Variants in MBOAT4 observed in about 807,000 individuals in gnomAD.
MBOAT4 encodes the protein membrane-bound ghrelin O-acyltransferase MBOAT4.
In MBOAT4, 11 loss-of-function variants were observed where a neutral mutation model predicts 13.2. The observed-to-expected ratio is 0.84, with a 90% CI of 0.53 to 1.38. MBOAT4 has a LOEUF of 1.38. Ranked by LOEUF, MBOAT4 falls within the 40% of genes most tolerant of loss-of-function variation. MBOAT4 has a pLI of 0.00. For synonymous variants in MBOAT4, 202 were observed against 210.3 expected (o/e 0.96, Z 0.34); for missense variants, 481 against 527.2 (o/e 0.91, Z 0.86).
intron 2 of MBOAT4, among the ~76,000 whole-genome samples, chr8:30,136,396 C>A (rs1038328881): frequency 6.6e-6 from 1 of 152,178 alleles, no homozygotes; most frequent in Non-Finnish European, 1.5e-5. Flanking sequence ...AGAACCCAGC[C>A]CTGCTGACGT....
chr8:30,132,400 T>C lies in MBOAT4; in HGVS notation c.851A>G (p.Tyr284Cys), dbSNP rs1160613128. ...ELGQSPGEEGYVPDADIWTLE... is the reference protein window; with the variant it reads ...ELGQSPGEEGCVPDADIWTLE... ...GGTCCAGATGTCTGCATCGGGGACA[T>C]ATCCCTCCTCTCCAGGGCTCTGACC... The change falls in exon 3 of 3, where the codon TAT (tyrosine) becomes TGT (cysteine). Residue 284 changes from tyrosine (Y) to cysteine (C), a missense_variant. Transcript: ENST00000320542. 2 of 1,551,750 alleles carry C rather than the reference T, an allele frequency of 1.3e-6. No homozygotes were observed. Among genetic ancestry groups the C allele is most frequent in the Admixed American group, 2.0e-5 (1 of 51,006 alleles).
At chr8:30,143,212 G>C (rs1390406480) in intron 1 of MBOAT4, among the ~76,000 whole-genome samples, 1 of 152,070 alleles carries the variant, frequency 6.6e-6, no homozygotes, top group African/African-American at 2.4e-5. Flanking sequence ...GCTGGGCATG[G>C]TGGTGTGCAC....
rs1163516123 is a variant in MBOAT4 at position 30,132,073 on chromosome 8, A to G, written c.1178T>C (p.Ile393Thr). The change falls in exon 3 of 3, where the codon ATC (isoleucine) becomes ACC (threonine). Residue 393 changes from isoleucine to threonine, a missense_variant. Physicochemically the swap from Ile to Thr is moderately conservative, Grantham distance 89. Coordinates refer to ENST00000320542, the MANE Select transcript of MBOAT4 (RefSeq NM_001100916.2). Reference protein sequence around the residue: ...WAHTQLIIAYIMLAVEVRSLS... With the variant: ...WAHTQLIIAYTMLAVEVRSLS... ...ACTCCTGACCTCCACAGCCAGCATGATGTAGGCAATGATCAACTGGGTGTG... is the reference window on the plus strand; with the variant it reads ...ACTCCTGACCTCCACAGCCAGCATGGTGTAGGCAATGATCAACTGGGTGTG... The G allele has an allele frequency of 3.9e-6, 6 of 1,551,794 alleles. No individual in the cohort carries two copies. The highest frequency in any genetic ancestry group is 2.6e-6 in the Non-Finnish European group (3 of 1,147,010).
chr8:30,132,455 G>A lies in MBOAT4; in HGVS notation c.796C>T (p.Leu266Phe). 6.4e-7 allele frequency: 1 copy of A among 1,551,758 alleles called. No homozygotes were observed. Among genetic ancestry groups the A allele is most frequent in the South Asian group, 1.2e-5 (1 of 84,066 alleles). Reference protein sequence around the residue: ...YSHWILDDSLLHAAGFGPELG... With the variant: ...YSHWILDDSLFHAAGFGPELG... ...TCAGGCCCAAAGCCCGCTGCGTGGA[G>A]GAGGGAGTCGTCCAGGATCCAGTGG... Residue 266 changes from leucine (L) to phenylalanine (F), a missense_variant, in exon 3 of 3, where the codon CTC becomes TTC. Leu to Phe is a conservative substitution (Grantham distance 22). Coordinates refer to ENST00000320542, the MANE Select transcript of MBOAT4 (RefSeq NM_001100916.2).
intron 2 of MBOAT4, among the ~76,000 whole-genome samples, chr8:30,133,745 C>T (rs1457639663): frequency 7.0e-6 from 1 of 142,874 alleles, no homozygotes; most frequent in Admixed American, 7.3e-5. Flanking sequence ...GCTATGATTG[C>T]ACCACTGCAC....
At position 30,144,608 on chromosome 8, in the gene MBOAT4, C is replaced by T. The variant is rs150844904; in HGVS notation, c.-7G>A. On this transcript the variant is annotated 5_prime_UTR_variant, in exon 1 of 3. Transcript: ENST00000320542. ...ACAGCCAAAGCCACTCCATTAGGAA[C>T]CAGAACAAAAGAGCCTGTCTTTTCC... The T allele has an allele frequency of 7.8e-6, 12 of 1,533,022 alleles. No individual in the cohort carries two copies. In the Admixed American group the frequency reaches 1.8e-4, roughly 23 times the overall value. The allele number at this position is 1,533,022 out of a possible 1,614,324, so 95.0% of individuals were successfully genotyped here.
chr8:30,134,615 G>T (rs901660044), intron 2 of MBOAT4, among the ~76,000 whole-genome samples: 1 of 146,268 alleles, frequency 6.8e-6, no homozygotes, highest in African/African-American at 2.5e-5. Context: ...GATCTCAGCC[G>T]CCCACTGCAA....
At chr8:30,141,370 C>T (rs769426186) in intron 1 of MBOAT4, among the ~76,000 whole-genome samples, 25 of 152,152 alleles carry the variant, frequency 1.6e-4, no homozygotes, top group Admixed American at 1.2e-3. Flanking sequence ...CGTGGTGGCT[C>T]ATGCTTGTAA....
At chr8:30,140,247 G>A (rs1803239763) in intron 1 of MBOAT4, among the ~76,000 whole-genome samples, 1 of 152,128 alleles carries the variant, frequency 6.6e-6, no homozygotes, top group African/African-American at 2.4e-5. Context: ...ATGTTGGCCA[G>A]GCTGGTCTCT....
chr8:30,132,181 G>C lies in MBOAT4; in HGVS notation c.1070C>G (p.Ala357Gly). 1 of 1,551,886 alleles carries C rather than the reference G, an allele frequency of 6.4e-7. No homozygotes were observed. Among genetic ancestry groups the C allele is most frequent in the Non-Finnish European group, 8.7e-7 (1 of 1,147,032 alleles). ...GFVCWAVMVE[A>G]DYLIHSFANE... ...GGCAAAGGAGTGAATCAGGTAGTCA[G>C]CTTCCACCATCACGGCCCAGCAAAC... The change falls in exon 3 of 3, where the codon GCT becomes GGT. Residue 357 changes from alanine to glycine, a missense_variant. Coordinates refer to ENST00000320542, the MANE Select transcript of MBOAT4 (RefSeq NM_001100916.2).
At chr8:30,139,250 C>A (rs554940927) in intron 1 of MBOAT4, among the ~76,000 whole-genome samples, 1 of 151,364 alleles carries the variant, frequency 6.6e-6, no homozygotes, top group South Asian at 2.1e-4. Context: ...ACCCCCCTGG[C>A]CTGGAGACAA....
chr8:30,137,888 A>C, intron 2 of MBOAT4: 1 of 255,950 alleles, frequency 3.9e-6, no homozygotes, highest in Non-Finnish European at 7.7e-6. Context: ...CACTCCTCCA[A>C]TTGCTCCTGG....
chr8:30,133,725 G>T (rs1216903586), intron 2 of MBOAT4, among the ~76,000 whole-genome samples: 1 of 148,678 alleles, frequency 6.7e-6, no homozygotes, highest in African/African-American at 2.5e-5. Context: ...GGAGTTCAAG[G>T]CTGCAGTGAG....
At position 30,132,793 on chromosome 8, in the gene MBOAT4, C is replaced by T. The variant is rs1020238174; in HGVS notation, c.458G>A (p.Ser153Asn). 5 of 1,551,760 alleles carry T rather than the reference C, an allele frequency of 3.2e-6. No individual in the cohort carries two copies. Among genetic ancestry groups the T allele is most frequent in the Middle Eastern group, 3.3e-4 (2 of 5,992 alleles). The change falls in exon 3 of 3, where the codon AGC becomes AAC. Residue 153 changes from serine (S) to asparagine (N), a missense_variant. Coordinates refer to ENST00000320542, the MANE Select transcript of MBOAT4 (RefSeq NM_001100916.2). ...CTTACACACATGCTCAGACAAAGAG[C>T]TCCTGCTCCTGAAGCCTCCAGATGC... is the stretch of plus-strand genomic sequence containing the variant. ...KAASGGFRSR[S>N]SLSEHVCKAL...
chr8:30,138,827 C>T (rs1803206941), intron 1 of MBOAT4, 71 bp from the exon 2 acceptor site: 2 of 1,225,938 alleles, frequency 1.6e-6, no homozygotes, highest in South Asian at 2.7e-5. Context: ...GCAGATGTCA[C>T]TCCAGGGAAC....
At chr8:30,137,186 C>A in intron 2 of MBOAT4, 1 of 1,030,554 alleles carries the variant, frequency 9.7e-7, no homozygotes. Flanking sequence ...GATCACAAAG[C>A]AATGTTTCCT....
intron 1 of MBOAT4, among the ~76,000 whole-genome samples, chr8:30,142,841 A>G (rs987532946): frequency 3.9e-5 from 6 of 152,248 alleles, no homozygotes; most frequent in African/African-American, 1.2e-4. Flanking sequence ...TGATCATACC[A>G]TTGTTTAATC....
At position 30,138,685 on chromosome 8, in the gene MBOAT4, A is replaced by T; in HGVS notation, c.191T>A (p.Phe64Tyr). Reference sequence around the variant, plus strand: ...AGCCACAGCGCAGACAGCAGGGGTGAAGACGAGCACGGCGTAGGAACCCAT... The same window carrying T: ...AGCCACAGCGCAGACAGCAGGGGTGTAGACGAGCACGGCGTAGGAACCCAT... ...AAMGSYAVLV[F>Y]TPAVCAVALL... Residue 64 changes from phenylalanine (F) to tyrosine (Y), a missense_variant, in exon 2 of 3, where the codon TTC becomes TAC. Phe to Tyr is a conservative substitution (Grantham distance 22, BLOSUM62 3). Transcript: ENST00000320542. 6.4e-7 allele frequency: 1 copy of T among 1,551,136 alleles called. No individual in the cohort carries two copies. The highest frequency in any genetic ancestry group is 2.4e-5 in the East Asian group (1 of 40,924).
At chr8:30,142,663 T>G (rs1371590674) in intron 1 of MBOAT4, among the ~76,000 whole-genome samples, 1 of 152,208 alleles carries the variant, frequency 6.6e-6, no homozygotes, top group Non-Finnish European at 1.5e-5. Context: ...AGCCAGAAAC[T>G]GAGCAATCTT....
Sources: gnomAD v4.1 joint callset for allele counts (sites outside exome capture counted in the v4.1 genomes callset) on GRCh38, gnomAD v4.1.1 for gene constraint, MANE v1.5 for transcripts, NCBI Gene and HGNC (gene_info 2026-07-23, HGNC 2026-07-21) for gene names.